C1orf94: variants seen among roughly 807,000 people sequenced by gnomAD.
C1orf94 encodes uncharacterized protein C1orf94.
C1orf94 carries 45 observed loss-of-function variants against 53.6 expected under a neutral mutation model. The observed-to-expected ratio is 0.84, with a 90% CI of 0.66 to 1.08. The LOEUF (loss-of-function observed/expected upper bound fraction) is 1.08. Ranked by LOEUF, C1orf94 falls within the 50% of genes least tolerant of loss-of-function variation. The probability of loss-of-function intolerance (pLI) is 0.00; values close to 1 mark genes in which losing one functional copy is unlikely to be tolerated. For missense variants in C1orf94, 762 were observed against 738.9 expected, an observed-to-expected ratio of 1.03 and a Z score of -0.36; for synonymous variants, 304 against 296.1, an observed-to-expected ratio of 1.03 and a Z score of -0.27.
Position 34,197,593 on chromosome 1 carries a change from G to A in C1orf94, c.689G>A (p.Gly230Asp), listed in dbSNP as rs1411934191. Residue 230 changes from glycine (G) to aspartate (D), a missense_variant, in exon 2 of 7, where the codon GGT becomes GAT. Gly to Asp is a moderately conservative substitution (Grantham distance 94). Coordinates refer to ENST00000488417, the MANE Select transcript of C1orf94 (RefSeq NM_001134734.2). The surrounding 1 kb of genome is among the most constrained non-coding windows in gnomAD (Gnocchi z 4.1). ...KGTEDRGRIL[G>D]DSNLQVSKLL... ...ACAGAGGACAGGGGCCGCATCCTAG[G>A]TGACTCCAACTTGCAAGTCAGCAAG... The A allele has an allele frequency of 3.7e-6, 6 of 1,613,986 alleles. No homozygotes were observed. Among genetic ancestry groups the A allele is most frequent in the African/African-American group, 2.7e-5 (2 of 74,918 alleles).
At position 34,177,333 on chromosome 1, in the gene C1orf94, A is replaced by G. The variant is rs1642244096; in HGVS notation, c.-457A>G. Among the ~76,000 whole-genome samples, 1 of 152,150 alleles carries G rather than the reference A, an allele frequency of 6.6e-6. No individual in the cohort carries two copies. Among genetic ancestry groups the G allele is most frequent in the Non-Finnish European group, 1.5e-5 (1 of 68,006 alleles). On this transcript the variant is annotated 5_prime_UTR_variant, in exon 1 of 7. Coordinates refer to ENST00000488417, the MANE Select transcript of C1orf94 (RefSeq NM_001134734.2). ...GGGGCCCCGCCCCCCGAGTGCCTAC[A>G]ATGGTGCCAGGCCCGCACCCAGTCC...
At chr1:34,205,924 A>T (rs1642786010) in intron 4 of C1orf94, among the ~76,000 whole-genome samples, 1 of 152,148 alleles carries the variant, frequency 6.6e-6, no homozygotes, top group African/African-American at 2.4e-5. Context: ...GTGGGAAGGG[A>T]CCATGGCTTA....
At chr1:34,193,404 G>A (rs539697118) in intron 1 of C1orf94, among the ~76,000 whole-genome samples, 2 of 152,258 alleles carry the variant, frequency 1.3e-5, no homozygotes, top group African/African-American at 4.8e-5. Context: ...CTAATGCCAC[G>A]GATGACAGGC....
chr1:34,172,904 C>T (rs1275917044), upstream of C1orf94, among the ~76,000 whole-genome samples: 2 of 152,196 alleles, frequency 1.3e-5, no homozygotes, highest in Admixed American at 1.3e-4. Context: ...TGCATGGATC[C>T]TGCCTCTGGG....
chr1:34,206,460 T>C lies in C1orf94; in HGVS notation c.1447-1697T>C, dbSNP rs552305522. 9.3e-4 allele frequency among the ~76,000 whole-genome samples: 141 copies of C among 152,288 alleles called. 1 individual carries two copies. In the South Asian group the frequency reaches 0.025, roughly 27 times the overall value. Reference sequence around the variant, plus strand: ...AAGAGGGTACGATGAGTCTCAAAAATGGTGACATGGAATGCTCCCAGCAGA... The same window carrying C: ...AAGAGGGTACGATGAGTCTCAAAAACGGTGACATGGAATGCTCCCAGCAGA... On this transcript the variant is annotated intron_variant, in intron 4 of 6. Transcript: ENST00000488417.
chr1:34,201,187 C>T (rs746357105), intron 3 of C1orf94, among the ~76,000 whole-genome samples, 155 bp downstream of exon 3: 2 of 152,124 alleles, frequency 1.3e-5, no homozygotes, highest in Non-Finnish European at 2.9e-5. Context: ...ATGACTTTCT[C>T]CCCATATCCC....
Position 34,197,114 on chromosome 1 carries a change from T to A in C1orf94, c.321-111T>A. 1 of 1,004,372 alleles carries A rather than the reference T, an allele frequency of 1.0e-6. No individual in the cohort carries two copies. Among genetic ancestry groups the A allele is most frequent in the Non-Finnish European group, 1.4e-6 (1 of 693,528 alleles). The allele number at this position is 1,004,372 out of a possible 1,614,324, so 62.2% of individuals were successfully genotyped here. On this transcript the variant is annotated intron_variant, in intron 1 of 6. Transcript: ENST00000488417. The surrounding 1 kb of genome is among the most constrained non-coding windows in gnomAD (Gnocchi z 4.1). ...CTGGGTTATCTTGCCTGGAAGTGTG[T>A]TTTTGTCATGTTATGCATCCATCTC... is the stretch of plus-strand genomic sequence containing the variant.
chr1:34,210,398 T>C (rs1424462403), intron 5 of C1orf94, among the ~76,000 whole-genome samples: 1 of 152,134 alleles, frequency 6.6e-6, no homozygotes, highest in East Asian at 1.9e-4. Context: ...GGACTCAGGT[T>C]TCCAAAGAGG....
chr1:34,186,194 G>T (rs1642382802), intron 1 of C1orf94, among the ~76,000 whole-genome samples: 1 of 152,206 alleles, frequency 6.6e-6, no homozygotes, highest in Non-Finnish European at 1.5e-5. Context: ...AGGTGGATTA[G>T]AGTTCCAGCA....
At chr1:34,213,496 GTAT>G (rs1334259762) in intron 6 of C1orf94, among the ~76,000 whole-genome samples, 4 of 152,198 alleles carry the variant, frequency 2.6e-5, no homozygotes, top group Admixed American at 1.3e-4. Context: ...GTGGTCGATA[GTAT>G]TATTTAAACA....
chr1:34,169,127 T>C (rs987331773), intron 1 of C1orf94, among the ~76,000 whole-genome samples: 1 of 152,062 alleles, frequency 6.6e-6, no homozygotes, highest in African/African-American at 2.4e-5. Context: ...CTAACTTCTC[T>C]GTGAGGAAAG....
At chr1:34,168,675 T>C (rs1446124545) in intron 1 of C1orf94, among the ~76,000 whole-genome samples, 1 of 152,216 alleles carries the variant, frequency 6.6e-6, no homozygotes, top group Non-Finnish European at 1.5e-5. Context: ...CTTCTCTCTC[T>C]GGCTTGTAGA....
chr1:34,178,734 G>A (rs927461637), intron 1 of C1orf94, among the ~76,000 whole-genome samples: 1 of 152,084 alleles, frequency 6.6e-6, no homozygotes, highest in African/African-American at 2.4e-5. Context: ...TCTCCATCAG[G>A]GCAAAGTTGG....
intron 5 of C1orf94, among the ~76,000 whole-genome samples, chr1:34,211,506 T>C (rs949357603): frequency 1.3e-5 from 2 of 152,148 alleles, no homozygotes; most frequent in Non-Finnish European, 2.9e-5. Context: ...CTCAACCCCA[T>C]TGCCTTTTTT....
chr1:34,191,957 T>A (rs1642500353), intron 1 of C1orf94, among the ~76,000 whole-genome samples: 1 of 152,112 alleles, frequency 6.6e-6, no homozygotes, highest in East Asian at 1.9e-4. Context: ...CAACTATCAT[T>A]TCTGGAGATG....
At chr1:34,207,351 A>C (rs115153307) in intron 4 of C1orf94, among the ~76,000 whole-genome samples, 1 of 151,898 alleles carries the variant, frequency 6.6e-6, no homozygotes, top group Non-Finnish European at 1.5e-5. Context: ...CAGAATTGTG[A>C]GTAAAATGTC....
chr1:34,210,203 C>G lies in C1orf94; in HGVS notation c.1524+1969C>G, dbSNP rs534097276. ...ATCCCCTCCCAGGTCCAGGCACTTC[C>G]TCCCCCATGAGGACAGGGGTACTTT... On this transcript the variant is annotated intron_variant, in intron 5 of 6. Coordinates refer to ENST00000488417, the MANE Select transcript of C1orf94 (RefSeq NM_001134734.2). Among the ~76,000 whole-genome samples the G allele has an allele frequency of 3.9e-5, 6 of 152,316 alleles. No homozygotes were observed. The South Asian group carries it at 1.0e-3, about 26-fold the overall frequency.
At position 34,218,668 on chromosome 1, in the gene C1orf94, AC is replaced by A; in HGVS notation, c.1722-15del. On this transcript the variant is annotated splice_polypyrimidine_tract_variant and intron_variant, in intron 6 of 6. Coordinates refer to ENST00000488417, the MANE Select transcript of C1orf94 (RefSeq NM_001134734.2). ...CATTAGGAATCTCATCATGGCATCC[AC>A]CCTCCCTCTCTTCCAGGTTCGGCTC... 1 of 1,605,912 alleles carries A rather than the reference AC, an allele frequency of 6.2e-7. No homozygotes were observed. Among genetic ancestry groups the A allele is most frequent in the South Asian group, 1.1e-5 (1 of 90,166 alleles).
upstream of C1orf94, among the ~76,000 whole-genome samples, chr1:34,173,592 C>A (rs1642178607): frequency 6.6e-6 from 1 of 152,066 alleles, no homozygotes; most frequent in Non-Finnish European, 1.5e-5. Flanking sequence ...TAATGATAGC[C>A]AACATTCACT....
Sources: allele counts gnomAD v4.1 joint callset (sites outside exome capture counted in the v4.1 genomes callset), GRCh38; gene constraint gnomAD v4.1.1; non-coding constraint Gnocchi (gnomAD v3.1); transcripts MANE v1.5; gene names NCBI Gene and HGNC (gene_info 2026-07-23, HGNC 2026-07-21).